HAT1: variants seen among roughly 807,000 people sequenced by gnomAD.
HAT1 encodes histone acetyltransferase type B catalytic subunit.
Under a neutral mutation model 56.6 loss-of-function variants are expected in HAT1, and 20 were observed. The ratio of observed to expected loss-of-function variants is 0.35; its 90% CI spans 0.25 to 0.51. The LOEUF (loss-of-function observed/expected upper bound fraction) is 0.51. Ranked by LOEUF, HAT1 falls within the 20% of genes least tolerant of loss-of-function variation. The pLI, the probability that HAT1 is intolerant of heterozygous loss-of-function variation, is 0.95. For missense variants in HAT1, 408 were observed against 504.3 expected (o/e 0.81, Z 1.83); for synonymous variants, 146 against 165.5 (o/e 0.88, Z 0.91).
rs557381847 is a variant in HAT1 at position 171,950,229 on chromosome 2, C to T, written c.189-2652C>T. Among the ~76,000 whole-genome samples the T allele has an allele frequency of 8.4e-4, 125 of 148,420 alleles. 1 individual carries two copies. The highest frequency in any genetic ancestry group is 3.7e-3 in the Middle Eastern group (1 of 270). On this transcript the variant is annotated intron_variant, in intron 3 of 10. Coordinates refer to ENST00000264108, the MANE Select transcript of HAT1 (RefSeq NM_003642.4). The stretch of plus-strand genomic sequence containing the variant: ...TGTTGCCCAGGCTGGAATGCAGTGG[C>T]ATGATCTTCTTGGCTCATTGCATCC...
chr2:171,969,486 T>G (rs1687763151), intron 8 of HAT1, among the ~76,000 whole-genome samples: 1 of 152,176 alleles, frequency 6.6e-6, no homozygotes, highest in South Asian at 2.1e-4. Flanking sequence ...AAAAACTCAG[T>G]TTTTGATCCT....
chr2:171,972,637 T>G (rs768778294), intron 8 of HAT1, among the ~76,000 whole-genome samples: 1 of 152,134 alleles, frequency 6.6e-6, no homozygotes, highest in Non-Finnish European at 1.5e-5. Context: ...CTCCTAGCTG[T>G]AAAGGGCTGC....
At chr2:171,962,158 A>G (rs1687591264) in intron 4 of HAT1, among the ~76,000 whole-genome samples, 1 of 152,212 alleles carries the variant, frequency 6.6e-6, no homozygotes, top group Admixed American at 6.5e-5. Context: ...TTATTCAATA[A>G]TGAGGAAATG....
At chr2:171,952,080 A>G (rs1301071400) in intron 3 of HAT1, among the ~76,000 whole-genome samples, 5 of 152,232 alleles carry the variant, frequency 3.3e-5, no homozygotes, top group African/African-American at 1.2e-4. Flanking sequence ...TGTGCAATTC[A>G]TTTATTTAAA....
At chr2:171,965,613 C>A in intron 5 of HAT1, 96 bp downstream of exon 5, 1 of 999,972 alleles carries the variant, frequency 1.0e-6, no homozygotes, top group Non-Finnish European at 1.5e-6. Context: ...CTGCAGTAAA[C>A]AAGTTTTAAT....
At chr2:171,940,202 A>C (rs1686984737) in intron 2 of HAT1, among the ~76,000 whole-genome samples, 1 of 152,220 alleles carries the variant, frequency 6.6e-6, no homozygotes, top group African/African-American at 2.4e-5. Context: ...AGACTTGAAT[A>C]GTTCTGCAGT....
At chr2:171,947,626 C>A (rs542482197) in intron 3 of HAT1, among the ~76,000 whole-genome samples, 8 of 152,306 alleles carry the variant, frequency 5.3e-5, no homozygotes, top group Non-Finnish European at 8.8e-5. Flanking sequence ...TGCCTGTAAT[C>A]CCAACACTTT....
intron 3 of HAT1, among the ~76,000 whole-genome samples, chr2:171,948,377 A>G (rs1012768757): frequency 1.1e-4 from 16 of 152,148 alleles, no homozygotes; most frequent in Admixed American, 3.9e-4. Flanking sequence ...GGCGCCCGCC[A>G]CCACACCCAG....
intron 8 of HAT1, among the ~76,000 whole-genome samples, chr2:171,969,294 T>C (rs1163442402): frequency 1.3e-5 from 2 of 152,252 alleles, no homozygotes; most frequent in Admixed American, 6.5e-5. Context: ...CCTTTAAATG[T>C]ACTTTATTGT....
At chr2:171,953,039 T>C in intron 4 of HAT1, 38 bp downstream of exon 4, 1 of 1,469,186 alleles carries the variant, frequency 6.8e-7, no homozygotes, top group Non-Finnish European at 9.3e-7. Context: ...TTTTCCAATT[T>C]AATTTATTTT....
chr2:171,940,136 A>G (rs1202716412), intron 2 of HAT1, among the ~76,000 whole-genome samples: 3 of 152,210 alleles, frequency 2.0e-5, no homozygotes, highest in African/African-American at 4.8e-5. Flanking sequence ...CACTTCGTCC[A>G]TGCATATACC....
At chr2:171,940,623 G>C (rs1686997075) in intron 2 of HAT1, among the ~76,000 whole-genome samples, 1 of 152,128 alleles carries the variant, frequency 6.6e-6, no homozygotes, top group Admixed American at 6.5e-5. Flanking sequence ...AATTGCTTCT[G>C]TTCTTCATGT....
chr2:171,975,105 T>TC (rs1687926791), intron 8 of HAT1, among the ~76,000 whole-genome samples: 1 of 149,376 alleles, frequency 6.7e-6, no homozygotes, highest in African/African-American at 2.4e-5. Flanking sequence ...TTTCTTTCTT[T>TC]TTTTTTTTTT....
chr2:171,971,132 G>C (rs1203639908), intron 8 of HAT1, among the ~76,000 whole-genome samples: 1 of 152,150 alleles, frequency 6.6e-6, no homozygotes, highest in Non-Finnish European at 1.5e-5. Context: ...CCCAGAGGTG[G>C]AGCTTGAGTG....
intron 4 of HAT1, among the ~76,000 whole-genome samples, chr2:171,956,484 C>T (rs142795592): frequency 1.4e-3 from 213 of 152,036 alleles, no homozygotes; most frequent in African/African-American, 4.9e-3. Context: ...TGCACTCCAG[C>T]CTGAGTGACA....
At chr2:171,930,082 T>G (rs1447330002) in intron 2 of HAT1, among the ~76,000 whole-genome samples, 1 of 152,182 alleles carries the variant, frequency 6.6e-6, no homozygotes, top group Non-Finnish European at 1.5e-5. Flanking sequence ...ATGTTTCAGG[T>G]TTTCAGTCTT....
At position 171,983,216 on chromosome 2, in the gene HAT1, A is replaced by G; in HGVS notation, c.1124A>G (p.Lys375Arg). The part of the protein sequence containing the change: ...KKQRDLAKMR[K>R]CLRPEELTNQ... The stretch of plus-strand genomic sequence containing the variant: ...CAGAGAGATCTTGCTAAGATGAGAA[A>G]ATGTCTCAGACCAGAAGAACTGACA... The change falls in exon 11 of 11, where the codon AAA becomes AGA. Residue 375 changes from lysine to arginine, a missense_variant. Lys to Arg is a conservative substitution (Grantham distance 26). Transcript: ENST00000264108. The G allele has an allele frequency of 3.1e-6, 5 of 1,592,468 alleles. No homozygotes were observed. Among genetic ancestry groups the G allele is most frequent in the Middle Eastern group, 1.7e-4 (1 of 5,962 alleles).
At chr2:171,962,074 T>C (rs1004826328) in intron 4 of HAT1, among the ~76,000 whole-genome samples, 3 of 152,108 alleles carry the variant, frequency 2.0e-5, no homozygotes, top group Admixed American at 6.5e-5. Context: ...AGAGAGGTTA[T>C]TGGGTTTTCA....
intron 3 of HAT1, among the ~76,000 whole-genome samples, chr2:171,949,367 C>T (rs1454074465): frequency 2.6e-5 from 4 of 152,052 alleles, no homozygotes; most frequent in African/African-American, 9.7e-5. Context: ...CGTGTACCAC[C>T]ATACCCAGCT....
Sources: gnomAD v4.1 joint callset for allele counts (sites outside exome capture counted in the v4.1 genomes callset) on GRCh38, gnomAD v4.1.1 for gene constraint, MANE v1.5 for transcripts, NCBI Gene and HGNC (gene_info 2026-07-23, HGNC 2026-07-21) for gene names.